Variants in USP40 observed in about 807,000 individuals in gnomAD.
The protein encoded by USP40 is ubiquitin specific peptidase 40.
In USP40, 143 loss-of-function variants were observed where a neutral mutation model predicts 166.2. That is an observed-to-expected ratio of 0.86 (90% CI 0.75 to 0.99). The LOEUF (loss-of-function observed/expected upper bound fraction) is 0.99, where lower values mean the gene tolerates loss of function less well. Among genes scored for constraint, USP40 ranks in the 50% least tolerant of loss-of-function variants. The pLI is 0.00. For synonymous variants in USP40, 498 were observed against 524.0 expected (o/e 0.95, Z 0.68); for missense variants, 1,444 against 1,479.7 (o/e 0.98, Z 0.40).
rs201480644 is a variant in USP40 at position 233,539,264 on chromosome 2, A to G, written c.1170+1398T>C. 2.0e-5 allele frequency among the ~76,000 whole-genome samples: 3 copies of G among 152,216 alleles called. No homozygotes were observed. In the East Asian group the frequency reaches 5.8e-4, roughly 29 times the overall value. ...AGAAACAAAGAACACAATCAATTTG[A>G]CCTAGTTGTCACTTGTGAAATGCTA... On this transcript the variant is annotated intron_variant, in intron 10 of 31. Transcript: ENST00000678225.
chr2:233,552,183 AAC>A (rs930618267), intron 6 of USP40, among the ~76,000 whole-genome samples: 21 of 151,974 alleles, frequency 1.4e-4, no homozygotes, highest in Admixed American at 2.0e-4. Flanking sequence ...TATTTTAAAA[AAC>A]AGTTTCACAA....
In USP40 at chr2:233,478,663, T is replaced by C. The variant is rs531171519; in HGVS notation, c.3600-1160A>G. On this transcript the variant is annotated intron_variant, in intron 31 of 31. Coordinates refer to ENST00000678225, the MANE Select transcript of USP40 (RefSeq NM_001365479.2). ...GGTTATTCACTGTGATGGTGACAGATTGGCGACAGCCTGGAAGTGTGTGAG... is the reference window on the plus strand; with the variant it reads ...GGTTATTCACTGTGATGGTGACAGACTGGCGACAGCCTGGAAGTGTGTGAG... 9.8e-5 allele frequency among the ~76,000 whole-genome samples: 15 copies of C among 152,324 alleles called. No homozygotes were observed. In the East Asian group the frequency reaches 1.4e-3, roughly 14 times the overall value.
At chr2:233,525,609 T>C (rs1392658153) in intron 13 of USP40, 47 bp from the exon 14 acceptor site, 17 of 1,423,198 alleles carry the variant, frequency 1.2e-5, no homozygotes, top group East Asian at 2.3e-5. Flanking sequence ...AAGTGACATA[T>C]ACATATCACC....
rs769485922 is a variant in USP40, at chr2:233,489,472, C to T, written c.3024G>A (p.Leu1008=). ...LAELKSQAMT[L]PPFLEFGVPS... ...GGACACCGAACTCCAGGAAAGGAGG[C>T]AAGGTCATGGCCTAGAAAAAGAAAC... Residue 1008 remains leucine (L), a synonymous_variant, in exon 27 of 32, where the codon TTG becomes TTA. Coordinates refer to ENST00000678225, the MANE Select transcript of USP40 (RefSeq NM_001365479.2). 3 of 1,603,860 alleles carry T rather than the reference C, an allele frequency of 1.9e-6. No individual in the cohort carries two copies. The highest frequency in any genetic ancestry group is 1.7e-4 in the Middle Eastern group (1 of 6,052).
chr2:233,485,542 T>C lies in USP40; in HGVS notation c.3493A>G (p.Ile1165Val), dbSNP rs768343810. The C allele has an allele frequency of 1.2e-6, 2 of 1,613,774 alleles. No homozygotes were observed. Among genetic ancestry groups the C allele is most frequent in the Non-Finnish European group, 1.7e-6 (2 of 1,179,742 alleles). Reference protein sequence around the residue: ...APYYLKDGDTIGVKNLLIDDD... With the variant: ...APYYLKDGDTVGVKNLLIDDD... ...GTTAAACAACTTACCTTAACACCAA[T>C]AGTATCTCCGTCTTTCAAGTAATAC... is the stretch of plus-strand genomic sequence containing the variant. Residue 1165 changes from isoleucine to valine, a missense_variant, in exon 30 of 32, where the codon ATT (isoleucine) becomes GTT (valine). Transcript: ENST00000678225.
intron 8 of USP40, among the ~76,000 whole-genome samples, chr2:233,548,797 T>A (rs2125343268): frequency 6.6e-6 from 1 of 152,262 alleles, no homozygotes; most frequent in Middle Eastern, 3.4e-3. Context: ...TTCGCACTAA[T>A]AATGATAACG....
chr2:233,533,803 T>C (rs1206458338), intron 10 of USP40, 24 bp from the exon 11 acceptor site: 2 of 1,392,298 alleles, frequency 1.4e-6, no homozygotes, highest in Non-Finnish European at 9.6e-7. Context: ...AAAAAAAAAA[T>C]GCTAAGTTAA....
In USP40 at chr2:233,565,396, ATTGAGGTAACAGG is replaced by A. The variant is rs1172301293; in HGVS notation, c.146_158del (p.Thr49IlefsTer55). 3.9e-6 allele frequency: 6 copies of A among 1,537,178 alleles called. No individual in the cohort carries two copies. The African/African-American group carries it at 6.8e-5, about 18-fold the overall frequency. ...TGAAATGAAGAGTCTGAAGAAGGGA[ATTGAGGTAACAGG>A]TTCCACCCTGATTTCTGATTCCGCT... On this transcript the variant is annotated frameshift_variant, in exon 2 of 32. Transcript: ENST00000678225. LOFTEE classifies it high-confidence loss of function.
chr2:233,512,347 G>C, intron 19 of USP40: 1 of 321,308 alleles, frequency 3.1e-6, no homozygotes, highest in Non-Finnish European at 5.7e-6. Context: ...AGTAAAATGA[G>C]AATCGGATAA....
chr2:233,515,563 G>T (rs1559242946), intron 18 of USP40, among the ~76,000 whole-genome samples: 4 of 146,440 alleles, frequency 2.7e-5, no homozygotes, highest in Non-Finnish European at 4.5e-5. Flanking sequence ...GGTTACAAGG[G>T]TTTTTTTTTT....
chr2:233,500,215 A>G (rs1230032096), intron 21 of USP40, among the ~76,000 whole-genome samples: 1 of 152,224 alleles, frequency 6.6e-6, no homozygotes, highest in Admixed American at 6.5e-5. Flanking sequence ...GTAAGGATTA[A>G]CTGTGTGTCT....
intron 26 of USP40, among the ~76,000 whole-genome samples, chr2:233,490,723 A>T (rs996556882): frequency 2.6e-5 from 4 of 152,190 alleles, no homozygotes; most frequent in African/African-American, 4.8e-5. Flanking sequence ...TACCTAGAAT[A>T]TCTAGTTTAG....
intron 8 of USP40, 135 bp downstream of exon 8, chr2:233,548,966 G>T: frequency 2.6e-6 from 2 of 761,902 alleles, no homozygotes; most frequent in Non-Finnish European, 4.0e-6. Context: ...ACTTGTATCT[G>T]TATTAACTTT....
At position 233,542,296 on chromosome 2, in the gene USP40, A is replaced by G. The variant is rs749588680; in HGVS notation, c.1034T>C (p.Leu345Pro). 1.9e-6 allele frequency: 3 copies of G among 1,556,772 alleles called. No individual in the cohort carries two copies. In the East Asian group the frequency reaches 7.0e-5, roughly 36 times the overall value. Residue 345 changes from leucine to proline, a missense_variant, in exon 9 of 32, where the codon CTG becomes CCG. By Grantham distance (98) the Leu-to-Pro change is moderately conservative. Transcript: ENST00000678225. ...LQSEEEIDHP[L>P]MILKAILLEE... Reference sequence around the variant, plus strand: ...TAATAAGATTGCTTTTAGAATCATCAGTGGATGATCAATCTCTTCTTCACT... The same window carrying G: ...TAATAAGATTGCTTTTAGAATCATCGGTGGATGATCAATCTCTTCTTCACT...
At chr2:233,559,462 A>G (rs1396783226) in intron 4 of USP40, among the ~76,000 whole-genome samples, 3 of 152,250 alleles carry the variant, frequency 2.0e-5, no homozygotes, top group Non-Finnish European at 4.4e-5. Context: ...AAAACTGATC[A>G]ACAGTTTCCT....
chr2:233,485,480 T>G lies in USP40; in HGVS notation c.3504+51A>C, dbSNP rs1031466026. On this transcript the variant is annotated intron_variant, in intron 30 of 31. Transcript: ENST00000678225. ...TCAATAAAACGTCTCTATAAAATCA[T>G]GTGACCCTCGTGTCTTCTCAAAGTG... is the stretch of plus-strand genomic sequence containing the variant. 57 of 1,380,284 alleles carry G rather than the reference T, an allele frequency of 4.1e-5. No individual in the cohort carries two copies. The East Asian group carries it at 1.2e-3, about 29-fold the overall frequency. The allele number at this position is 1,380,284 out of a possible 1,614,324, so 85.5% of individuals were successfully genotyped here. A position where few individuals can be genotyped will look rare whatever the true frequency, so the allele number is the denominator to read the frequency against.
At chr2:233,502,634 C>G (rs1361262798) in intron 21 of USP40, among the ~76,000 whole-genome samples, 1 of 152,056 alleles carries the variant, frequency 6.6e-6, no homozygotes, top group Non-Finnish European at 1.5e-5. Context: ...CCAGAGAGAC[C>G]AACACACAGC....
Position 233,493,415 on chromosome 2 carries a change from C to T in USP40, c.2917+10G>A, listed in dbSNP as rs1028090674. ...ATGCACTGGCTGCTGAAATCCCATT[C>T]TGTTCTCACCTTGGCTGGAAGTGGC... On this transcript the variant is annotated intron_variant, in intron 25 of 31. Transcript: ENST00000678225. This position sits in a 1 kb window ranked among gnomAD's most constrained non-coding sequence, Gnocchi z 4.7. 6.2e-7 allele frequency: 1 copy of T among 1,613,886 alleles called. No homozygotes were observed. The highest frequency in any genetic ancestry group is 1.7e-5 in the Admixed American group (1 of 60,000).
At position 233,551,520 on chromosome 2, in the gene USP40, CTGTT is replaced by C; in HGVS notation, c.694-5_694-2del. ...GAGGCAGCTTACGTAATTTGGCCGA[CTGTT>C]AAAAGAAAAATTTACAAAGCTTTTT... is the stretch of plus-strand genomic sequence containing the variant. On this transcript the variant is annotated splice_acceptor_variant and splice_polypyrimidine_tract_variant and intron_variant, in intron 6 of 31. Coordinates refer to ENST00000678225, the MANE Select transcript of USP40 (RefSeq NM_001365479.2). LOFTEE classifies it high-confidence loss of function. 6.3e-7 allele frequency: 1 copy of C among 1,583,318 alleles called. No homozygotes were observed. Among genetic ancestry groups the C allele is most frequent in the Non-Finnish European group, 8.6e-7 (1 of 1,168,222 alleles).
Sources: gnomAD v4.1 joint callset for allele counts (sites outside exome capture counted in the v4.1 genomes callset) on GRCh38, gnomAD v4.1.1 for gene constraint, Gnocchi (gnomAD v3.1) non-coding constraint, MANE v1.5 for transcripts, NCBI Gene and HGNC (gene_info 2026-07-23, HGNC 2026-07-21) for gene names.